PRDM16: variants seen among roughly 807,000 people sequenced by gnomAD.
PRDM16 encodes histone-lysine N-methyltransferase PRDM16.
Under a neutral mutation model 110.6 loss-of-function variants are expected in PRDM16, and 23 were observed. The ratio of observed to expected loss-of-function variants is 0.21; its 90% CI spans 0.15 to 0.29. The LOEUF is 0.29. PRDM16 is among the 10% of genes least tolerant of loss of function. The probability of loss-of-function intolerance (pLI) is 1.00; values close to 1 mark genes in which losing one functional copy is unlikely to be tolerated. For synonymous variants in PRDM16, 799 were observed against 781.8 expected (o/e 1.02, Z -0.37); for missense variants, 1,615 against 1,794.3 (o/e 0.90, Z 1.81).
At chr1:3,407,110 G>A (rs56394425) in intron 8 of PRDM16, among the ~76,000 whole-genome samples, 2 of 152,152 alleles carry the variant, frequency 1.3e-5, no homozygotes, top group African/African-American at 4.8e-5. Context: ...GCCTGGAGAG[G>A]CGGGGTGCTG....
chr1:3,235,857 G>A (rs963445055), intron 2 of PRDM16, among the ~76,000 whole-genome samples: 2 of 152,250 alleles, frequency 1.3e-5, no homozygotes, highest in African/African-American at 4.8e-5. Flanking sequence ...CTGCCTGTGT[G>A]GGGCGGAGCT....
chr1:3,423,883 G>A (rs554391078), intron 12 of PRDM16, among the ~76,000 whole-genome samples: 10 of 152,256 alleles, frequency 6.6e-5, no homozygotes, highest in African/African-American at 1.2e-4. Flanking sequence ...ATATGAAAAC[G>A]CATGATCATA....
At chr1:3,144,030 C>T (rs890222954) in intron 1 of PRDM16, among the ~76,000 whole-genome samples, 2 of 152,220 alleles carry the variant, frequency 1.3e-5, no homozygotes, top group Non-Finnish European at 2.9e-5. Flanking sequence ...GGCCTCTCGC[C>T]GCCCACTTCA....
Position 3,426,363 on chromosome 1 carries a change from GA to G in PRDM16, c.3284+139del, listed in dbSNP as rs1638605858. Reference sequence around the variant, plus strand: ...TAGGCGCAGTGGGGGCCTCACCACAGAGGGTGAGGCCCCTGGGCTCTGGGAA... The same window carrying G: ...TAGGCGCAGTGGGGGCCTCACCACAGGGGTGAGGCCCCTGGGCTCTGGGAA... On this transcript the variant is annotated intron_variant, in intron 14 of 16. Transcript: ENST00000270722. 15 of 631,858 alleles carry G rather than the reference GA, an allele frequency of 2.4e-5. No homozygotes were observed. The Admixed American group carries it at 2.7e-4, about 11-fold the overall frequency. The allele number at this position is 631,858 out of a possible 1,614,324, so 39.1% of individuals were successfully genotyped here.
At chr1:3,295,237 G>T (rs1188980225) in intron 3 of PRDM16, among the ~76,000 whole-genome samples, 1 of 152,206 alleles carries the variant, frequency 6.6e-6, no homozygotes, top group African/African-American at 2.4e-5. Flanking sequence ...AAGGCATCAG[G>T]TGGCGGGCAG....
rs1640956362 is a variant in PRDM16, at chr1:3,290,853, C to G, written c.438+46716C>G. ...ATAATGCCGCTCTGTTTGGGAAGGG[C>G]CCGGAGCACTGGGGGCCCGAGGTAT... is the stretch of plus-strand genomic sequence containing the variant. On this transcript the variant is annotated intron_variant, in intron 3 of 16. Transcript: ENST00000270722. The surrounding 1 kb of genome is among the most constrained non-coding windows in gnomAD (Gnocchi z 4.8). Among the ~76,000 whole-genome samples the G allele has an allele frequency of 6.6e-6, 1 of 151,698 alleles. No homozygotes were observed. The highest frequency in any genetic ancestry group is 1.5e-5 in the Non-Finnish European group (1 of 67,974).
At chr1:3,424,765 C>T (rs983256714) in intron 12 of PRDM16, among the ~76,000 whole-genome samples, 2 of 151,576 alleles carry the variant, frequency 1.3e-5, no homozygotes, top group African/African-American at 4.8e-5. Context: ...CCAGCCACCT[C>T]GAGGGGTGGA....
chr1:3,249,294 A>G (rs1639870289), intron 3 of PRDM16, among the ~76,000 whole-genome samples: 1 of 152,012 alleles, frequency 6.6e-6, no homozygotes, highest in Admixed American at 6.6e-5. Flanking sequence ...AGAGCTGCAG[A>G]AGGAGGCGCT....
chr1:3,181,506 A>T (rs1569782885), intron 1 of PRDM16, among the ~76,000 whole-genome samples: 1 of 95,394 alleles, frequency 1.0e-5, no homozygotes, highest in African/African-American at 4.3e-5. Flanking sequence ...GCATGGTCTT[A>T]CACACGCAGT....
chr1:3,364,670 C>T (rs1377152149), intron 3 of PRDM16, among the ~76,000 whole-genome samples: 2 of 152,214 alleles, frequency 1.3e-5, no homozygotes, highest in Non-Finnish European at 1.5e-5. Context: ...TGCTGCCGGG[C>T]AGTGACTTCC....
intron 3 of PRDM16, among the ~76,000 whole-genome samples, chr1:3,277,895 C>G (rs1640627677): frequency 1.3e-5 from 2 of 152,346 alleles, no homozygotes; most frequent in Admixed American, 1.3e-4. Context: ...AACAGGAACA[C>G]AGACCCATAC....
At chr1:3,250,300 C>G (rs1055474059) in intron 3 of PRDM16, among the ~76,000 whole-genome samples, 1 of 152,134 alleles carries the variant, frequency 6.6e-6, no homozygotes, top group Admixed American at 6.5e-5. Flanking sequence ...TCTGACCTCT[C>G]GCCACCTCGC....
rs1466756635 is a variant in PRDM16, at chr1:3,430,910, C to G, written c.3323C>G (p.Pro1108Arg). Reference sequence around the variant, plus strand: ...ATCGTGGACGGCAGTGCCCAGTGTCCAGGCCTAGCCAGTGAGAAGCAGGAG... The same window carrying G: ...ATCGTGGACGGCAGTGCCCAGTGTCGAGGCCTAGCCAGTGAGAAGCAGGAG... ...MQIVDGSAQC[P>R]GLASEKQEDV... Residue 1108 changes from proline (P) to arginine (R), a missense_variant, in exon 15 of 17, where the codon CCA (proline) becomes CGA (arginine). Pro to Arg is a moderately radical substitution (Grantham distance 103). Transcript: ENST00000270722. 3 of 1,613,966 alleles carry G rather than the reference C, an allele frequency of 1.9e-6. No homozygotes were observed. In the African/African-American group the frequency reaches 4.0e-5, roughly 22 times the overall value.
chr1:3,411,495 G>A lies in PRDM16; in HGVS notation c.1298G>A (p.Ser433Asn). The A allele has an allele frequency of 6.2e-7, 1 of 1,614,208 alleles. No homozygotes were observed. Among genetic ancestry groups the A allele is most frequent in the Non-Finnish European group, 8.5e-7 (1 of 1,180,042 alleles). The change falls in exon 9 of 17, where the codon AGC becomes AAC. Residue 433 changes from serine to asparagine, a missense_variant. Physicochemically the swap from Ser to Asn is conservative, Grantham distance 46. This residue lies in a region of PRDM16 where 772 missense variants were observed against 748.3 expected (regional missense o/e 1.03). Coordinates refer to ENST00000270722, the MANE Select transcript of PRDM16 (RefSeq NM_022114.4). Reference protein sequence around the residue: ...IKCKDCGQMFSTTSSLNKHRR... With the variant: ...IKCKDCGQMFNTTSSLNKHRR... ...TGCAAGGACTGTGGCCAGATGTTCA[G>A]CACTACCTCCTCCCTCAACAAGCAC...
At chr1:3,107,862 A>G (rs1331596851) in intron 1 of PRDM16, among the ~76,000 whole-genome samples, 1 of 152,252 alleles carries the variant, frequency 6.6e-6, no homozygotes, top group Non-Finnish European at 1.5e-5. Flanking sequence ...CTGGGCCTCA[A>G]TGACCATGCC....
chr1:3,221,150 C>T (rs1036598174), intron 2 of PRDM16, among the ~76,000 whole-genome samples: 1 of 152,212 alleles, frequency 6.6e-6, no homozygotes, highest in African/African-American at 2.4e-5. Flanking sequence ...GCAACCTCAC[C>T]GTGTGCAACT....
chr1:3,426,410 T>G lies in PRDM16; in HGVS notation c.3284+185T>G, dbSNP rs145904409. 1.1e-3 allele frequency among the ~76,000 whole-genome samples: 167 copies of G among 152,074 alleles called. 1 individual carries two copies. Among genetic ancestry groups the G allele is most frequent in the African/African-American group, 3.8e-3 (158 of 41,524 alleles). ...GGGAACCTGGGGAAGCTGCGCTGTC[T>G]GCCTCAGTTCCTCCACCTGGAGAGT... On this transcript the variant is annotated intron_variant, in intron 14 of 16. Transcript: ENST00000270722.
chr1:3,313,101 A>T (rs1445759651), intron 3 of PRDM16, among the ~76,000 whole-genome samples: 1 of 152,220 alleles, frequency 6.6e-6, no homozygotes, highest in East Asian at 1.9e-4. Flanking sequence ...GCACCCGCAG[A>T]CACTGGGCAG....
chr1:3,261,942 C>A (rs371684820), intron 3 of PRDM16, among the ~76,000 whole-genome samples: 2 of 152,256 alleles, frequency 1.3e-5, no homozygotes, highest in Admixed American at 6.5e-5. Flanking sequence ...TCCTACCCCC[C>A]ACCCTGTCTC....
Sources: allele counts gnomAD v4.1 joint callset (sites outside exome capture counted in the v4.1 genomes callset), GRCh38; gene constraint gnomAD v4.1.1; regional missense constraint gnomAD v4.1.1; non-coding constraint Gnocchi (gnomAD v3.1); transcripts MANE v1.5; gene names NCBI Gene and HGNC (gene_info 2026-07-23, HGNC 2026-07-21).